The following EDC4 variants were observed in gnomAD, a reference collection of about 807,000 sequenced individuals.
EDC4 encodes enhancer of mRNA-decapping protein 4.
EDC4 carries 64 observed loss-of-function variants against 155.8 expected under a neutral mutation model. The ratio of observed to expected loss-of-function variants is 0.41; its 90% CI spans 0.34 to 0.51. The LOEUF (loss-of-function observed/expected upper bound fraction) is 0.51. Among genes scored for constraint, EDC4 ranks in the 20% least tolerant of loss-of-function variants. The pLI, the probability that EDC4 is intolerant of heterozygous loss-of-function variation, is 0.19. For synonymous variants in EDC4, 684 were observed against 716.8 expected, an observed-to-expected ratio of 0.95 and a Z score of 0.73; for missense variants, 1,303 against 1,812.5, an observed-to-expected ratio of 0.72 and a Z score of 5.10.
chr16:67,883,522 C>A lies in EDC4; in HGVS notation c.3850-46C>A. ...CACACAGTTCAGACAAGCAGACATT[C>A]CATCCTGATATTTGCTATAAACACT... is the stretch of plus-strand genomic sequence containing the variant. On this transcript the variant is annotated intron_variant, in intron 27 of 28. Transcript: ENST00000358933. This position sits in a 1 kb window ranked among gnomAD's most constrained non-coding sequence, Gnocchi z 5.3. 6.2e-7 allele frequency: 1 copy of A among 1,603,116 alleles called. No homozygotes were observed. Among genetic ancestry groups the A allele is most frequent in the Non-Finnish European group, 8.5e-7 (1 of 1,176,742 alleles).
Position 67,882,631 on chromosome 16 carries a change from A to G in EDC4, c.3442+37A>G, listed in dbSNP as rs749083901. 2.5e-6 allele frequency: 4 copies of G among 1,614,232 alleles called. No homozygotes were observed. Among genetic ancestry groups the G allele is most frequent in the Non-Finnish European group, 3.4e-6 (4 of 1,180,044 alleles). ...CATATGGCCCAAGGTGGGAGGGGTT[A>G]TCCTCTTTCCTACTGTTCCTCTTAT... On this transcript the variant is annotated intron_variant, in intron 25 of 28. Transcript: ENST00000358933. This position sits in a 1 kb window ranked among gnomAD's most constrained non-coding sequence, Gnocchi z 7.2.
rs1300878949 is a variant in EDC4, at chr16:67,881,113, G to GC, written c.2571dup (p.Phe858LeufsTer13). ...CCTTCAGGAAAAGCACAAGAGCCTG[G>GC]CCTTCCACCGACCACCATATCACCT... On this transcript the variant is annotated frameshift_variant, in exon 19 of 29. Transcript: ENST00000358933. LOFTEE classifies it high-confidence loss of function. The surrounding 1 kb of genome is among the most constrained non-coding windows in gnomAD (Gnocchi z 5.4). The GC allele has an allele frequency of 6.2e-7, 1 of 1,614,088 alleles. No individual in the cohort carries two copies. The highest frequency in any genetic ancestry group is 8.5e-7 in the Non-Finnish European group (1 of 1,180,026).
intron 1 of EDC4, among the ~76,000 whole-genome samples, chr16:67,873,992 A>G (rs1227602168): frequency 6.6e-6 from 1 of 152,204 alleles, no homozygotes; most frequent in Non-Finnish European, 1.5e-5. Context: ...TTGCCCCCAA[A>G]GATTCCCCAA....
Position 67,879,794 on chromosome 16 carries a change from G to T in EDC4, c.1821+20G>T. The T allele has an allele frequency of 1.9e-6, 3 of 1,613,460 alleles. No homozygotes were observed. The highest frequency in any genetic ancestry group is 2.5e-6 in the Non-Finnish European group (3 of 1,179,540). On this transcript the variant is annotated intron_variant, in intron 15 of 28. Coordinates refer to ENST00000358933, the MANE Select transcript of EDC4 (RefSeq NM_014329.5). The surrounding 1 kb of genome is among the most constrained non-coding windows in gnomAD (Gnocchi z 6.0). ...CAGCAGGTACTCTCCCAGGGTAGGG[G>T]GACCTGGGAATGCCTCAGCCACAGG... is the stretch of plus-strand genomic sequence containing the variant.
In EDC4 at chr16:67,883,449, C is replaced by A; in HGVS notation, c.3850-119C>A. ...ACAGCCCTACAGGCTCTCTCTGAGT[C>A]CCTCTGGAGCTCTCACTAGCCCACC... On this transcript the variant is annotated intron_variant, in intron 27 of 28. Coordinates refer to ENST00000358933, the MANE Select transcript of EDC4 (RefSeq NM_014329.5). The surrounding 1 kb of genome is among the most constrained non-coding windows in gnomAD (Gnocchi z 5.3). The A allele has an allele frequency of 6.9e-7, 1 of 1,459,194 alleles. No individual in the cohort carries two copies. The highest frequency in any genetic ancestry group is 9.3e-7 in the Non-Finnish European group (1 of 1,072,182). The allele number at this position is 1,459,194 out of a possible 1,614,324, so 90.4% of individuals were successfully genotyped here. A position where few individuals can be genotyped will look rare whatever the true frequency, so the allele number is the denominator to read the frequency against.
Position 67,881,016 on chromosome 16 carries a change from G to A in EDC4, c.2531+26G>A. ...GTGAGGAGCTTGGGAGGGGAAAAGT[G>A]TGCTAGCAGGAGGGGCTTCAGATAG... is the stretch of plus-strand genomic sequence containing the variant. On this transcript the variant is annotated intron_variant, in intron 18 of 28. Coordinates refer to ENST00000358933, the MANE Select transcript of EDC4 (RefSeq NM_014329.5). This position sits in a 1 kb window ranked among gnomAD's most constrained non-coding sequence, Gnocchi z 5.4. 1 of 1,613,722 alleles carries A rather than the reference G, an allele frequency of 6.2e-7. No homozygotes were observed. The highest frequency in any genetic ancestry group is 1.3e-5 in the African/African-American group (1 of 75,030).
Position 67,883,371 on chromosome 16 carries a change from C to A in EDC4, c.3849+194C>A. On this transcript the variant is annotated intron_variant, in intron 27 of 28. Transcript: ENST00000358933. This position sits in a 1 kb window ranked among gnomAD's most constrained non-coding sequence, Gnocchi z 5.3. ...CTTTCTTCCCACCTAGCCCACCTTGCTTTACAACTACCCTTCTCAGGAACC... is the reference window on the plus strand; with the variant it reads ...CTTTCTTCCCACCTAGCCCACCTTGATTTACAACTACCCTTCTCAGGAACC... 1 of 1,281,028 alleles carries A rather than the reference C, an allele frequency of 7.8e-7. No homozygotes were observed. The highest frequency in any genetic ancestry group is 1.1e-6 in the Non-Finnish European group (1 of 932,518). 79.4% of individuals were successfully genotyped at this position (1,281,028 alleles called of 1,614,324 possible). A position where few individuals can be genotyped will look rare whatever the true frequency, so the allele number is the denominator to read the frequency against.
chr16:67,878,910 AC>A lies in EDC4; in HGVS notation c.1288-46del. 3 of 1,611,246 alleles carry A rather than the reference AC, an allele frequency of 1.9e-6. No individual in the cohort carries two copies. The highest frequency in any genetic ancestry group is 2.5e-6 in the Non-Finnish European group (3 of 1,179,862). The stretch of plus-strand genomic sequence containing the variant: ...AAGGCCGGGGGGCAGGTGGCGCATC[AC>A]AGCCCTTAGCCTCTGAGCTCAGCTA... On this transcript the variant is annotated intron_variant, in intron 11 of 28. Coordinates refer to ENST00000358933, the MANE Select transcript of EDC4 (RefSeq NM_014329.5). The surrounding 1 kb of genome is among the most constrained non-coding windows in gnomAD (Gnocchi z 5.2).
In EDC4 at chr16:67,884,174, T is replaced by A; in HGVS notation, c.*26T>A. 1 of 1,579,710 alleles carries A rather than the reference T, an allele frequency of 6.3e-7. No individual in the cohort carries two copies. The highest frequency in any genetic ancestry group is 8.6e-7 in the Non-Finnish European group (1 of 1,160,934). On this transcript the variant is annotated 3_prime_UTR_variant, in exon 29 of 29. Transcript: ENST00000358933. The surrounding 1 kb of genome is among the most constrained non-coding windows in gnomAD (Gnocchi z 4.1). ...CTGCTAAGCCTGCCTTGCCCAGGGG[T>A]GGGATGGCACTGAAGGCCAGCAGAC...
Position 67,877,700 on chromosome 16 carries a change from T to G in EDC4, c.790-41T>G, listed in dbSNP as rs1370286001. 1.9e-6 allele frequency: 3 copies of G among 1,613,948 alleles called. No individual in the cohort carries two copies. The highest frequency in any genetic ancestry group is 1.1e-5 in the South Asian group (1 of 91,086). On this transcript the variant is annotated intron_variant, in intron 6 of 28. Coordinates refer to ENST00000358933, the MANE Select transcript of EDC4 (RefSeq NM_014329.5). This position sits in a 1 kb window ranked among gnomAD's most constrained non-coding sequence, Gnocchi z 4.9. ...CGAAGAGGCGCCAGAGAAGCCATAGTGTGGGGTTGGGCTGCACACTCACCT... is the reference window on the plus strand; with the variant it reads ...CGAAGAGGCGCCAGAGAAGCCATAGGGTGGGGTTGGGCTGCACACTCACCT...
rs780073040 is a variant in EDC4 at position 67,879,414 on chromosome 16, C to T, written c.1544C>T (p.Ala515Val). ...TTCTCCCCCTTCTTTTCCTGCAGGG[C>T]ACTGCAAGATGTGCAGATCCGCTTC... ...LIKLFCVHTK[A>V]LQDVQIRFQP... Residue 515 changes from alanine (A) to valine (V), a missense_variant and splice_region_variant, in exon 14 of 29, where the codon GCA (alanine) becomes GTA (valine). Around this residue, in one of 5 missense-constraint regions of EDC4, gnomAD observed 391 missense variants for 445.4 expected, o/e 0.88. Transcript: ENST00000358933. This position sits in a 1 kb window ranked among gnomAD's most constrained non-coding sequence, Gnocchi z 6.0. 5.0e-6 allele frequency: 8 copies of T among 1,614,224 alleles called. No homozygotes were observed. The highest frequency in any genetic ancestry group is 1.7e-5 in the Admixed American group (1 of 60,032).
chr16:67,881,463 T>A lies in EDC4; in HGVS notation c.2790-34T>A. On this transcript the variant is annotated intron_variant, in intron 20 of 28. Coordinates refer to ENST00000358933, the MANE Select transcript of EDC4 (RefSeq NM_014329.5). The surrounding 1 kb of genome is among the most constrained non-coding windows in gnomAD (Gnocchi z 5.4). Reference sequence around the variant, plus strand: ...GGGAGAGGGTGGTCTCTAGGCTGCCTCACATAGCCTGAGGTGCTTCTCGCC... The same window carrying A: ...GGGAGAGGGTGGTCTCTAGGCTGCCACACATAGCCTGAGGTGCTTCTCGCC... The A allele has an allele frequency of 1.2e-6, 2 of 1,614,148 alleles. No homozygotes were observed. The highest frequency in any genetic ancestry group is 2.2e-5 in the South Asian group (2 of 91,082).
Position 67,880,458 on chromosome 16 carries a change from CCTGT to C in EDC4, c.2098-96_2098-93del. The C allele has an allele frequency of 5.4e-6, 8 of 1,483,536 alleles. No homozygotes were observed. The highest frequency in any genetic ancestry group is 1.4e-5 in the African/African-American group (1 of 72,230). 91.9% of individuals were successfully genotyped at this position (1,483,536 alleles called of 1,614,324 possible). A position where few individuals can be genotyped will look rare whatever the true frequency, so the allele number is the denominator to read the frequency against. On this transcript the variant is annotated intron_variant, in intron 17 of 28. Transcript: ENST00000358933. The surrounding 1 kb of genome is among the most constrained non-coding windows in gnomAD (Gnocchi z 5.2). The stretch of plus-strand genomic sequence containing the variant: ...ACCTGTATCCCCACTTCCCTGCTGC[CCTGT>C]CTCTCATTACTGCTAATACTAATGC...
At chr16:67,873,434 G>GACT in intron 1 of EDC4, 91 bp downstream of exon 1, 1 of 1,041,084 alleles carries the variant, frequency 9.6e-7, no homozygotes, top group Non-Finnish European at 1.3e-6. Flanking sequence ...GCTCCCTTAG[G>GACT]ACTAGCTCTG....
Position 67,881,990 on chromosome 16 carries a change from A to C in EDC4, c.3041A>C (p.Gln1014Pro), listed in dbSNP as rs561149298. 1.2e-6 allele frequency: 2 copies of C among 1,610,696 alleles called. No homozygotes were observed. Among genetic ancestry groups the C allele is most frequent in the South Asian group, 2.2e-5 (2 of 90,866 alleles). The change falls in exon 23 of 29, where the codon CAG (glutamine) becomes CCG (proline). Residue 1014 changes from glutamine to proline, a missense_variant. By Grantham distance (76) the Gln-to-Pro change is moderately conservative. Around this residue, in one of 5 missense-constraint regions of EDC4, gnomAD observed 527 missense variants for 757.0 expected, o/e 0.70. Transcript: ENST00000358933. The surrounding 1 kb of genome is among the most constrained non-coding windows in gnomAD (Gnocchi z 5.4). ...RLERALAEGQ[Q>P]RGGQLQEQLT... Reference sequence around the variant, plus strand: ...GAGCGAGCACTGGCTGAGGGGCAGCAGCGGGGAGGGCAGCTGCAGGAGCAG... The same window carrying C: ...GAGCGAGCACTGGCTGAGGGGCAGCCGCGGGGAGGGCAGCTGCAGGAGCAG...
In EDC4 at chr16:67,883,669, G is replaced by A; in HGVS notation, c.3951G>A (p.Val1317=). 1 of 1,614,188 alleles carries A rather than the reference G, an allele frequency of 6.2e-7. No homozygotes were observed. ...CACCCTGCCCGCTCTCCCAGCCTGT[G>A]CTCCTTTCCCTCATCCAGCAGCTGG... ...GQPPCPLSQP[V]LLSLIQQLAS... The change falls in exon 28 of 29, where the codon GTG becomes GTA. Residue 1317 remains valine, a synonymous_variant. Coordinates refer to ENST00000358933, the MANE Select transcript of EDC4 (RefSeq NM_014329.5). This position sits in a 1 kb window ranked among gnomAD's most constrained non-coding sequence, Gnocchi z 5.3.
rs1288938857 is a variant in EDC4 at position 67,883,951 on chromosome 16, C to A, written c.4014-5C>A. 3.1e-6 allele frequency: 5 copies of A among 1,588,808 alleles called. No individual in the cohort carries two copies. The highest frequency in any genetic ancestry group is 4.3e-6 in the Non-Finnish European group (5 of 1,163,436). On this transcript the variant is annotated splice_polypyrimidine_tract_variant and splice_region_variant and intron_variant, in intron 28 of 28. Transcript: ENST00000358933. This position sits in a 1 kb window ranked among gnomAD's most constrained non-coding sequence, Gnocchi z 5.3. ...TGTAGCCTGTCCTTTCCCCCCCATCCCCAGCTACCTGGAAGAGGCCGTGAT... is the reference window on the plus strand; with the variant it reads ...TGTAGCCTGTCCTTTCCCCCCCATCACCAGCTACCTGGAAGAGGCCGTGAT...
intron 1 of EDC4, among the ~76,000 whole-genome samples, chr16:67,873,620 C>T (rs1161021783): frequency 6.6e-6 from 1 of 152,148 alleles, no homozygotes; most frequent in East Asian, 1.9e-4. Context: ...GTTTCCTGGC[C>T]CCGAGGTCTC....
rs2058084207 is a variant in EDC4, at chr16:67,884,373, T to TGGAGC, written c.*226_*230dup. Reference sequence around the variant, plus strand: ...GCGCCTGCTTGGGTTCTGCCATGCCTGGAGCATGACCCTGAGATCGTGACA... The same window carrying TGGAGC: ...GCGCCTGCTTGGGTTCTGCCATGCCTGGAGCGGAGCATGACCCTGAGATCGTGACA... On this transcript the variant is annotated 3_prime_UTR_variant, in exon 29 of 29. Coordinates refer to ENST00000358933, the MANE Select transcript of EDC4 (RefSeq NM_014329.5). The surrounding 1 kb of genome is among the most constrained non-coding windows in gnomAD (Gnocchi z 4.1). 7.2e-6 allele frequency: 4 copies of TGGAGC among 559,240 alleles called. No homozygotes were observed. The highest frequency in any genetic ancestry group is 1.3e-5 in the Non-Finnish European group (4 of 318,816). The allele number at this position is 559,240 out of a possible 1,614,324, so 34.6% of individuals were successfully genotyped here.
Sources: allele counts gnomAD v4.1 joint callset (sites outside exome capture counted in the v4.1 genomes callset), GRCh38; gene constraint gnomAD v4.1.1; regional missense constraint gnomAD v4.1.1; non-coding constraint Gnocchi (gnomAD v3.1); transcripts MANE v1.5; gene names NCBI Gene and HGNC (gene_info 2026-07-23, HGNC 2026-07-21).